Variants in KIF26B observed in about 807,000 individuals in gnomAD.
KIF26B encodes the protein kinesin-like protein KIF26B.
Under a neutral mutation model 151.2 loss-of-function variants are expected in KIF26B, and 63 were observed. The observed-to-expected ratio is 0.42, with a 90% CI of 0.34 to 0.51. KIF26B has a LOEUF of 0.51. Among genes scored for constraint, KIF26B ranks in the 20% least tolerant of loss-of-function variants. The pLI is 0.07. For synonymous variants in KIF26B, 1,357 were observed against 1,262.1 expected, an observed-to-expected ratio of 1.08 and a Z score of -1.59; for missense variants, 2,813 against 2,913.6, an observed-to-expected ratio of 0.97 and a Z score of 0.79.
intron 2 of KIF26B, among the ~76,000 whole-genome samples, chr1:245,322,022 C>G (rs368454215): frequency 6.6e-6 from 1 of 152,174 alleles, no homozygotes; most frequent in African/African-American, 2.4e-5. Context: ...ACATATACAC[C>G]ATGGAATACT....
chr1:245,513,431 G>A (rs1218639098), intron 4 of KIF26B, among the ~76,000 whole-genome samples: 1 of 152,178 alleles, frequency 6.6e-6, no homozygotes, highest in Non-Finnish European at 1.5e-5. Flanking sequence ...GAGAGAGACA[G>A]GTGGGTTGTC....
intron 2 of KIF26B, among the ~76,000 whole-genome samples, chr1:245,342,603 A>T (rs1298322998): frequency 6.6e-6 from 1 of 151,896 alleles, no homozygotes; most frequent in Non-Finnish European, 1.5e-5. Flanking sequence ...CCGGGGCTGG[A>T]GGCCTGTAAA....
rs182157607 is a variant in KIF26B at position 245,208,672 on chromosome 1, A to G, written c.465+51989A>G. ...TGCTTCTTGCCACCCAGGACCCAAC[A>G]TCTCCAGGTGGAGCTGATTTTTAGT... On this transcript the variant is annotated intron_variant, in intron 2 of 14. Coordinates refer to ENST00000407071, the MANE Select transcript of KIF26B (RefSeq NM_018012.4). 1.1e-3 allele frequency among the ~76,000 whole-genome samples: 160 copies of G among 152,340 alleles called. 1 individual carries two copies. Among genetic ancestry groups the G allele is most frequent in the African/African-American group, 3.7e-3 (152 of 41,590 alleles).
rs116383046 is a variant in KIF26B, at chr1:245,275,248, C to T, written c.466-91586C>T. Among the ~76,000 whole-genome samples, 658 of 150,530 alleles carry T rather than the reference C, an allele frequency of 4.4e-3. 2 individuals are homozygous for T. Among genetic ancestry groups the T allele is most frequent in the Middle Eastern group, 0.02 (6 of 294 alleles). Reference sequence around the variant, plus strand: ...ATATTAGTCCTTTGTCAGATAGATACAGTGCAAAAATTGTCTCCCATTCTG... The same window carrying T: ...ATATTAGTCCTTTGTCAGATAGATATAGTGCAAAAATTGTCTCCCATTCTG... On this transcript the variant is annotated intron_variant, in intron 2 of 14. Transcript: ENST00000407071.
chr1:245,487,444 A>C (rs1038061074), intron 4 of KIF26B, among the ~76,000 whole-genome samples: 1 of 152,174 alleles, frequency 6.6e-6, no homozygotes, highest in African/African-American at 2.4e-5. Context: ...AGCCTGGAAA[A>C]GTGCAAGACC....
At chr1:245,408,349 C>CTTTTTTT (rs58724712) in intron 3 of KIF26B, among the ~76,000 whole-genome samples, 2 of 113,330 alleles carry the variant, frequency 1.8e-5, no homozygotes, top group Non-Finnish European at 1.8e-5. Flanking sequence ...TTAAATGATT[C>CTTTTTTT]TTTTTTTTTT....
intron 2 of KIF26B, among the ~76,000 whole-genome samples, chr1:245,284,943 G>A (rs1304083145): frequency 6.6e-6 from 1 of 152,234 alleles, no homozygotes; most frequent in Non-Finnish European, 1.5e-5. Context: ...GGAGGCTGAG[G>A]CACAAGAATC....
chr1:245,504,188 AT>A, intron 4 of KIF26B, among the ~76,000 whole-genome samples: 2 of 152,138 alleles, frequency 1.3e-5, no homozygotes, highest in South Asian at 4.2e-4. Context: ...GGAGCTTTAC[AT>A]CACCCATTGC....
Position 245,512,778 on chromosome 1 carries a change from C to T in KIF26B, c.1167-27989C>T, listed in dbSNP as rs1364719360. On this transcript the variant is annotated intron_variant, in intron 4 of 14. Transcript: ENST00000407071. This position sits in a 1 kb window ranked among gnomAD's most constrained non-coding sequence, Gnocchi z 4.3. ...AAGGGGAAAGCTTTCGATCTTGTGC[C>T]GTTTTGTTTTGGTTTCTTGTTTATG... Among the ~76,000 whole-genome samples the T allele has an allele frequency of 6.6e-6, 1 of 152,098 alleles. No homozygotes were observed. Among genetic ancestry groups the T allele is most frequent in the African/African-American group, 2.4e-5 (1 of 41,414 alleles).
chr1:245,368,754 AGT>A (rs1673023577), intron 3 of KIF26B, among the ~76,000 whole-genome samples: 1 of 152,030 alleles, frequency 6.6e-6, no homozygotes, highest in Non-Finnish European at 1.5e-5. Context: ...GGGAAGATAG[AGT>A]GTGTGGAGGA....
chr1:245,518,032 C>T (rs763228120), intron 4 of KIF26B, among the ~76,000 whole-genome samples: 6 of 151,984 alleles, frequency 3.9e-5, no homozygotes, highest in Non-Finnish European at 8.8e-5. Flanking sequence ...CCACAACAAT[C>T]GGCTAATTTT....
chr1:245,288,017 T>C (rs574732871), intron 2 of KIF26B, among the ~76,000 whole-genome samples: 1 of 152,140 alleles, frequency 6.6e-6, no homozygotes, highest in Admixed American at 6.5e-5. Flanking sequence ...AGCTGGGAAA[T>C]CCACCAGCAG....
chr1:245,222,966 G>A (rs907611560), intron 2 of KIF26B, among the ~76,000 whole-genome samples: 2 of 152,258 alleles, frequency 1.3e-5, no homozygotes, highest in South Asian at 2.1e-4. Flanking sequence ...TTCACACTTT[G>A]TTATGTTTGC....
Position 245,606,232 on chromosome 1 carries a change from G to A in KIF26B, c.1558-1419G>A, listed in dbSNP as rs981136448. On this transcript the variant is annotated intron_variant, in intron 6 of 14. Coordinates refer to ENST00000407071, the MANE Select transcript of KIF26B (RefSeq NM_018012.4). The surrounding 1 kb of genome is among the most constrained non-coding windows in gnomAD (Gnocchi z 4.6). The stretch of plus-strand genomic sequence containing the variant: ...GTTGCTGGGGACCACCCTGGAACAA[G>A]TGACAGCTGTTGGAAGTGTGGTTTT... Among the ~76,000 whole-genome samples, 3 of 152,276 alleles carry A rather than the reference G, an allele frequency of 2.0e-5. No homozygotes were observed. Among genetic ancestry groups the A allele is most frequent in the Middle Eastern group, 3.4e-3 (1 of 294 alleles).
intron 2 of KIF26B, among the ~76,000 whole-genome samples, chr1:245,303,706 C>CA (rs1471063815): frequency 6.6e-6 from 1 of 152,192 alleles, no homozygotes; most frequent in Non-Finnish European, 1.5e-5. Context: ...GGAATTCCCC[C>CA]AAAATCAAAA....
intron 10 of KIF26B, among the ~76,000 whole-genome samples, chr1:245,650,234 T>C (rs1262030533): frequency 1.3e-5 from 2 of 152,274 alleles, no homozygotes; most frequent in East Asian, 3.8e-4. Context: ...ATTTTGACAG[T>C]GCATTTGCAA....
intron 2 of KIF26B, among the ~76,000 whole-genome samples, chr1:245,182,116 A>G (rs1319849237): frequency 6.6e-6 from 1 of 152,172 alleles, no homozygotes; most frequent in Non-Finnish European, 1.5e-5. Context: ...CTTGTTTTAA[A>G]TGTCCAGCTC....
chr1:245,454,526 G>C (rs952229358), intron 4 of KIF26B, among the ~76,000 whole-genome samples: 2 of 152,160 alleles, frequency 1.3e-5, no homozygotes, highest in African/African-American at 4.8e-5. Context: ...GTGCTCAGAG[G>C]CATCAGTAAC....
chr1:245,420,690 G>A (rs1296855101), intron 4 of KIF26B, among the ~76,000 whole-genome samples: 1 of 152,236 alleles, frequency 6.6e-6, no homozygotes, highest in Non-Finnish European at 1.5e-5. Flanking sequence ...TGTATAAAAT[G>A]AGGATGATAC....
Sources: gnomAD v4.1 joint callset for allele counts (sites outside exome capture counted in the v4.1 genomes callset) on GRCh38, gnomAD v4.1.1 for gene constraint, Gnocchi (gnomAD v3.1) non-coding constraint, MANE v1.5 for transcripts, NCBI Gene and HGNC (gene_info 2026-07-23, HGNC 2026-07-21) for gene names.